The following HIVEP3 variants were observed in gnomAD, a reference collection of about 807,000 sequenced individuals.
The protein encoded by HIVEP3 is transcription factor HIVEP3.
In HIVEP3, 49 loss-of-function variants were observed where a neutral mutation model predicts 152.8. That is an observed-to-expected ratio of 0.32 (90% CI 0.26 to 0.41). HIVEP3 has a LOEUF of 0.41. Among genes scored for constraint, HIVEP3 ranks in the 10% least tolerant of loss-of-function variants. The probability of loss-of-function intolerance (pLI) is 1.00; values close to 1 mark genes in which losing one functional copy is unlikely to be tolerated. For synonymous variants in HIVEP3, 1,269 were observed against 1,289.0 expected (o/e 0.98, Z 0.33); for missense variants, 2,790 against 3,103.3 (o/e 0.90, Z 2.40).
chr1:41,807,039 G>A (rs1336766303), intron 1 of HIVEP3, among the ~76,000 whole-genome samples: 12 of 152,120 alleles, frequency 7.9e-5, no homozygotes, highest in Non-Finnish European at 1.5e-4. Context: ...GCCCACCTAC[G>A]GCTCTCCTCC....
intron 1 of HIVEP3, among the ~76,000 whole-genome samples, chr1:41,941,069 T>C (rs1645043418): frequency 1.3e-5 from 2 of 152,178 alleles, no homozygotes; most frequent in South Asian, 4.1e-4. Flanking sequence ...CTGAGGTCAC[T>C]GACAACCTTG....
chr1:41,957,132 A>G (rs1645144436), intron 1 of HIVEP3, among the ~76,000 whole-genome samples: 1 of 152,182 alleles, frequency 6.6e-6, no homozygotes, highest in Non-Finnish European at 1.5e-5. Context: ...TTATATTTTT[A>G]CTATACTTTC....
intron 1 of HIVEP3, among the ~76,000 whole-genome samples, chr1:41,763,256 T>C (rs1647807341): frequency 6.6e-6 from 1 of 152,192 alleles, no homozygotes; most frequent in South Asian, 2.1e-4. Context: ...CGAGGCTCTG[T>C]TTGCTGAGGA....
At chr1:41,518,352 A>T (rs2149049263) in intron 7 of HIVEP3, 50 bp downstream of exon 7, 2 of 1,481,550 alleles carry the variant, frequency 1.3e-6, no homozygotes, top group African/African-American at 2.8e-5. Flanking sequence ...GGAGGAGGAT[A>T]GGGAAAGCGG....
At chr1:41,824,142 T>C (rs889496040) in intron 1 of HIVEP3, among the ~76,000 whole-genome samples, 6 of 152,110 alleles carry the variant, frequency 3.9e-5, no homozygotes, top group Non-Finnish European at 2.9e-5. Context: ...TCCCATTTCA[T>C]AGGTGAGGAA....
At chr1:41,977,939 A>C (rs1645269617) in intron 1 of HIVEP3, among the ~76,000 whole-genome samples, 1 of 152,190 alleles carries the variant, frequency 6.6e-6, no homozygotes, top group Non-Finnish European at 1.5e-5. Context: ...CTGGGGAATC[A>C]CCTCAAACAA....
chr1:41,760,136 G>A (rs1432296454), intron 1 of HIVEP3, among the ~76,000 whole-genome samples: 1 of 152,138 alleles, frequency 6.6e-6, no homozygotes, highest in East Asian at 1.9e-4. Context: ...TCACACCTGT[G>A]AATAGCCACT....
intron 1 of HIVEP3, among the ~76,000 whole-genome samples, chr1:41,728,485 G>T (rs113197629): frequency 6.6e-6 from 1 of 152,082 alleles, no homozygotes; most frequent in Non-Finnish European, 1.5e-5. Context: ...GGGGAGTAAG[G>T]GGGGGTGAAA....
chr1:41,934,163 C>T (rs1172514006), intron 1 of HIVEP3, among the ~76,000 whole-genome samples: 1 of 152,118 alleles, frequency 6.6e-6, no homozygotes, highest in Non-Finnish European at 1.5e-5. Context: ...TGTAGACTCT[C>T]CCAACCATTT....
At chr1:41,766,414 G>T (rs6693668) in intron 1 of HIVEP3, among the ~76,000 whole-genome samples, 73,125 of 151,696 alleles carry the variant, frequency 0.48, 19,975 homozygotes, top group Non-Finnish European at 0.63. Flanking sequence ...TAAAAGCTTT[G>T]GGCAGTGTCA....
chr1:41,853,217 G>C (rs890351762), intron 1 of HIVEP3, among the ~76,000 whole-genome samples: 5 of 152,152 alleles, frequency 3.3e-5, no homozygotes, highest in Non-Finnish European at 7.3e-5. Flanking sequence ...ATGTAATGAG[G>C]GCTAGAATCT....
intron 1 of HIVEP3, among the ~76,000 whole-genome samples, chr1:41,897,623 G>A (rs148647302): frequency 2.0e-4 from 30 of 152,252 alleles, no homozygotes; most frequent in Admixed American, 1.2e-3. Context: ...CAGGAACAGC[G>A]TAAGACAGAT....
chr1:41,555,717 C>T (rs910260208), intron 5 of HIVEP3, among the ~76,000 whole-genome samples: 3 of 152,222 alleles, frequency 2.0e-5, no homozygotes, highest in African/African-American at 4.8e-5. Context: ...TCCAGCTCCA[C>T]GACTGTCCAG....
At chr1:41,953,380 T>C (rs929237489) in intron 1 of HIVEP3, among the ~76,000 whole-genome samples, 69 of 152,188 alleles carry the variant, frequency 4.5e-4, no homozygotes, top group Non-Finnish European at 1.0e-4. Flanking sequence ...CTCAGCCTCA[T>C]GTATAAGAGG....
At chr1:41,921,439 G>A (rs1434957912), upstream of HIVEP3, among the ~76,000 whole-genome samples, 1 of 152,108 alleles carries the variant, frequency 6.6e-6, no homozygotes, top group African/African-American at 2.4e-5. Context: ...TTTATAAAGG[G>A]TAGTTCCCTT....
intron 1 of HIVEP3, among the ~76,000 whole-genome samples, chr1:41,809,218 A>G (rs555496876): frequency 4.7e-4 from 71 of 152,364 alleles, no homozygotes; most frequent in African/African-American, 1.7e-3. Context: ...GTTGAGGCAC[A>G]GGTCTCTTCC....
chr1:41,997,295 C>T (rs1029343150), intron 1 of HIVEP3, among the ~76,000 whole-genome samples: 7 of 152,192 alleles, frequency 4.6e-5, no homozygotes, highest in African/African-American at 1.7e-4. Context: ...GGCCATGTGG[C>T]CTTGGTTTGA....
chr1:41,886,969 T>C (rs1438733118), intron 1 of HIVEP3, among the ~76,000 whole-genome samples: 2 of 152,144 alleles, frequency 1.3e-5, no homozygotes, highest in African/African-American at 4.8e-5. Flanking sequence ...ATATATTTTA[T>C]CAAAATTCCT....
At chr1:41,822,295 A>G (rs920771031) in intron 1 of HIVEP3, among the ~76,000 whole-genome samples, 1 of 152,212 alleles carries the variant, frequency 6.6e-6, no homozygotes, top group Non-Finnish European at 1.5e-5. Flanking sequence ...ATAAGCCACG[A>G]GGTCTCAAAA....
Sources: gnomAD v4.1 joint callset for allele counts (sites outside exome capture counted in the v4.1 genomes callset) on GRCh38, gnomAD v4.1.1 for gene constraint, MANE v1.5 for transcripts, NCBI Gene and HGNC (gene_info 2026-07-23, HGNC 2026-07-21) for gene names.